ITGBL1: variants seen among roughly 807,000 people sequenced by gnomAD.
ITGBL1 encodes the protein integrin subunit beta like 1, also known as integrin beta-like protein 1.
In ITGBL1, 51 loss-of-function variants were observed where a neutral mutation model predicts 68.5. The observed-to-expected ratio is 0.74, with a 90% confidence interval of 0.59 to 0.94. The LOEUF (loss-of-function observed/expected upper bound fraction) is 0.94. Among genes scored for constraint, ITGBL1 ranks in the 40% least tolerant of loss-of-function variants. The pLI, the probability that ITGBL1 is intolerant of heterozygous loss-of-function variation, is 0.00. For missense variants in ITGBL1, 649 were observed against 647.4 expected, an observed-to-expected ratio of 1.00 and a Z score of -0.03; for synonymous variants, 209 against 227.3, an observed-to-expected ratio of 0.92 and a Z score of 0.72.
chr13:101,485,717 G>A (rs771073003), intron 2 of ITGBL1, among the ~76,000 whole-genome samples: 12 of 152,026 alleles, frequency 7.9e-5, no homozygotes, highest in Non-Finnish European at 1.3e-4. Context: ...GCGTGAACCC[G>A]GGAGGCAGAG....
At position 101,715,571 on chromosome 13, in the gene ITGBL1, A is replaced by C. The variant is rs1281564799; in HGVS notation, c.1402A>C (p.Ile468Leu). 10 of 1,611,048 alleles carry C rather than the reference A, an allele frequency of 6.2e-6. No homozygotes were observed. The East Asian group carries it at 2.2e-4, about 36-fold the overall frequency. Residue 468 changes from isoleucine (I) to leucine (L), a missense_variant, in exon 11 of 11, where the codon ATA (isoleucine) becomes CTA (leucine). Transcript: ENST00000376180. ...TATGTATTTTATTGCAGGGAATGGAATATGTAGCTGTGGAAACTGTGAATG... is the reference window on the plus strand; with the variant it reads ...TATGTATTTTATTGCAGGGAATGGACTATGTAGCTGTGGAAACTGTGAATG... ...HDGLICTGNG[I>L]CSCGNCECWD... is the part of the protein sequence containing the mutation.
In ITGBL1 at chr13:101,569,025, A is replaced by AACACACACACAC. The variant is rs112814235; in HGVS notation, c.463+1215_463+1226dup. On this transcript the variant is annotated intron_variant, in intron 3 of 10. Coordinates refer to ENST00000376180, the MANE Select transcript of ITGBL1 (RefSeq NM_004791.3). ...CCAATTCATAACACCCACCCCTCCA[A>AACACACACACAC]ACACACACACACACACACACACACA... Among the ~76,000 whole-genome samples the AACACACACACAC allele has an allele frequency of 3.9e-3, 405 of 103,710 alleles. 13 individuals carry two copies. Among genetic ancestry groups the AACACACACACAC allele is most frequent in the African/African-American group, 9.3e-3 (255 of 27,472 alleles). 68.0% of individuals were successfully genotyped at this position (103,710 alleles called of 152,430 possible).
chr13:101,576,917 G>A (rs1354357090), intron 4 of ITGBL1, among the ~76,000 whole-genome samples: 2 of 150,324 alleles, frequency 1.3e-5, no homozygotes, highest in African/African-American at 2.4e-5. Context: ...ATATGTGTTT[G>A]TCCTCTTGAT....
chr13:101,514,139 A>C (rs564303140), intron 2 of ITGBL1, among the ~76,000 whole-genome samples: 1 of 152,180 alleles, frequency 6.6e-6, no homozygotes, highest in South Asian at 2.1e-4. Flanking sequence ...CAAAATAACT[A>C]TATCCTAAAT....
At chr13:101,671,449 T>TTTTTTTTTTTTTTG (rs1566784568) in intron 7 of ITGBL1, among the ~76,000 whole-genome samples, 1 of 127,726 alleles carries the variant, frequency 7.8e-6, no homozygotes, top group African/African-American at 2.7e-5. Flanking sequence ...TTTTTTTTGT[T>TTTTTTTTTTTTTTG]TTTTTTTGAG....
At chr13:101,687,328 A>G (rs186032664) in intron 7 of ITGBL1, among the ~76,000 whole-genome samples, 1 of 151,418 alleles carries the variant, frequency 6.6e-6, no homozygotes, top group Admixed American at 6.6e-5. Flanking sequence ...TGTAGTTCTT[A>G]TGAGAAAAAA....
chr13:101,705,568 G>A (rs1231128794), intron 8 of ITGBL1, among the ~76,000 whole-genome samples: 1 of 151,432 alleles, frequency 6.6e-6, no homozygotes, highest in Non-Finnish European at 1.5e-5. Context: ...CCACTAAACT[G>A]TTAGAGGGAT....
At chr13:101,529,742 T>G (rs2049440596) in intron 2 of ITGBL1, among the ~76,000 whole-genome samples, 1 of 152,170 alleles carries the variant, frequency 6.6e-6, no homozygotes, top group African/African-American at 2.4e-5. Context: ...CACTTCTGCC[T>G]TTGCTCGTTT....
intron 6 of ITGBL1, among the ~76,000 whole-genome samples, chr13:101,588,304 T>TGTGTGTGTGG (rs1054923189): frequency 8.6e-5 from 13 of 151,884 alleles, no homozygotes; most frequent in Non-Finnish European, 1.9e-4. Flanking sequence ...CCATTGTGTG[T>TGTGTGTGTGG]GTGTGTGTGT....
At chr13:101,459,727 G>C (rs911548763) in intron 2 of ITGBL1, among the ~76,000 whole-genome samples, 2 of 152,074 alleles carry the variant, frequency 1.3e-5, no homozygotes, top group African/African-American at 4.8e-5. Context: ...GCAACAGAGG[G>C]AGGCCCTGTT....
intron 7 of ITGBL1, among the ~76,000 whole-genome samples, chr13:101,603,011 G>A (rs1436247123): frequency 6.6e-6 from 1 of 151,840 alleles, no homozygotes; most frequent in Non-Finnish European, 1.5e-5. Context: ...CTACTTTTTG[G>A]TCGTTATGAA....
intron 7 of ITGBL1, among the ~76,000 whole-genome samples, chr13:101,644,588 A>G (rs912378365): frequency 1.3e-5 from 2 of 152,220 alleles, no homozygotes; most frequent in African/African-American, 2.4e-5. Context: ...GCTGCCAAAT[A>G]AAGATTTAAA....
chr13:101,650,752 G>A (rs527384069), intron 7 of ITGBL1, among the ~76,000 whole-genome samples: 5 of 151,944 alleles, frequency 3.3e-5, no homozygotes, highest in South Asian at 2.1e-4. Context: ...ATTAAGCCAA[G>A]CACCCATTAG....
At chr13:101,682,632 T>G (rs1326938054) in intron 7 of ITGBL1, among the ~76,000 whole-genome samples, 1 of 152,022 alleles carries the variant, frequency 6.6e-6, no homozygotes, top group African/African-American at 2.4e-5. Flanking sequence ...AATAACCCAT[T>G]TTTGCCCTCA....
At chr13:101,578,539 C>T (rs978155284) in intron 4 of ITGBL1, among the ~76,000 whole-genome samples, 6 of 152,088 alleles carry the variant, frequency 3.9e-5, no homozygotes, top group South Asian at 2.1e-4. Context: ...AGCAATGGTG[C>T]GATAATTCAC....
chr13:101,528,344 ATTTG>A (rs1194531076), intron 2 of ITGBL1, among the ~76,000 whole-genome samples: 4 of 151,600 alleles, frequency 2.6e-5, no homozygotes, highest in African/African-American at 9.7e-5. Context: ...GAATATTGTA[ATTTG>A]TTTATTACTT....
intron 2 of ITGBL1, among the ~76,000 whole-genome samples, chr13:101,532,357 C>A (rs569423954): frequency 6.2e-4 from 95 of 152,272 alleles, no homozygotes; most frequent in African/African-American, 1.9e-3. Context: ...TGAAAATCAT[C>A]AAATTCCTAG....
At chr13:101,607,963 T>G (rs971397489) in intron 7 of ITGBL1, among the ~76,000 whole-genome samples, 1 of 152,102 alleles carries the variant, frequency 6.6e-6, no homozygotes, top group African/African-American at 2.4e-5. Flanking sequence ...TCCCATGTGC[T>G]TTTCTTATCT....
At chr13:101,610,613 A>G (rs1445151600) in intron 7 of ITGBL1, among the ~76,000 whole-genome samples, 2 of 152,188 alleles carry the variant, frequency 1.3e-5, no homozygotes, top group Non-Finnish European at 2.9e-5. Flanking sequence ...TTTTGTAAAT[A>G]AAGTTTTATT....
Sources: gnomAD v4.1 joint callset for allele counts (sites outside exome capture counted in the v4.1 genomes callset) on GRCh38, gnomAD v4.1.1 for gene constraint, MANE v1.5 for transcripts, NCBI Gene and HGNC (gene_info 2026-07-23, HGNC 2026-07-21) for gene names.